The following NDST3 variants were observed in gnomAD, a reference collection of about 807,000 sequenced individuals.
NDST3 encodes N-deacetylase and N-sulfotransferase 3.
Under a neutral mutation model 96.1 loss-of-function variants are expected in NDST3, and 58 were observed. The ratio of observed to expected loss-of-function variants is 0.60; its 90% CI spans 0.49 to 0.75. The LOEUF (loss-of-function observed/expected upper bound fraction) is 0.75, where lower values mean the gene tolerates loss of function less well. NDST3 is among the 30% of genes least tolerant of loss of function. The pLI, the probability that NDST3 is intolerant of heterozygous loss-of-function variation, is 0.00. For synonymous variants in NDST3, 333 were observed against 359.7 expected, an observed-to-expected ratio of 0.93 and a Z score of 0.84; for missense variants, 788 against 1,034.2, an observed-to-expected ratio of 0.76 and a Z score of 3.27.
intron 2 of NDST3, among the ~76,000 whole-genome samples, chr4:118,063,365 A>C (rs1726055363): frequency 6.6e-6 from 1 of 152,130 alleles, no homozygotes; most frequent in Non-Finnish European, 1.5e-5. Flanking sequence ...GATATTAAGA[A>C]AATTATGCAC....
intron 6 of NDST3, among the ~76,000 whole-genome samples, chr4:118,163,408 A>G (rs1735328043): frequency 6.6e-6 from 1 of 152,190 alleles, no homozygotes; most frequent in Non-Finnish European, 1.5e-5. Flanking sequence ...ACACCATGGA[A>G]TACTATGCAG....
At chr4:118,058,513 C>T (rs1042022838) in intron 2 of NDST3, among the ~76,000 whole-genome samples, 2 of 148,180 alleles carry the variant, frequency 1.3e-5, no homozygotes, top group South Asian at 2.1e-4. Flanking sequence ...CTGTAAAGAA[C>T]CAAAGAAGAA....
intron 2 of NDST3, among the ~76,000 whole-genome samples, chr4:118,086,448 A>T (rs1728424419): frequency 6.6e-6 from 1 of 152,072 alleles, no homozygotes; most frequent in African/African-American, 2.4e-5. Flanking sequence ...CTTAAAACTT[A>T]GTCATTCAGA....
At chr4:118,120,198 A>G (rs11940076) in intron 4 of NDST3, among the ~76,000 whole-genome samples, 6,586 of 152,244 alleles carry the variant, frequency 0.043, 489 homozygotes, top group African/African-American at 0.15. Context: ...TTATACAGGT[A>G]TGATGAGTCC....
At chr4:118,107,967 T>G (rs1730336715) in intron 3 of NDST3, among the ~76,000 whole-genome samples, 1 of 152,182 alleles carries the variant, frequency 6.6e-6, no homozygotes, top group Non-Finnish European at 1.5e-5. Flanking sequence ...GACTCACAGT[T>G]CCACATGGCT....
rs1741880811 is a variant in NDST3, at chr4:118,253,356, T to C, written c.2400-143T>C. 1.3e-5 allele frequency: 7 copies of C among 526,862 alleles called. No individual in the cohort carries two copies. In the South Asian group the frequency reaches 2.3e-4, roughly 18 times the overall value. The allele number at this position is 526,862 out of a possible 1,614,324, so 32.6% of individuals were successfully genotyped here. On this transcript the variant is annotated intron_variant, in intron 12 of 13. Coordinates refer to ENST00000296499, the MANE Select transcript of NDST3 (RefSeq NM_004784.3). ...TGCAAAGGAATATAGTAAAAAAGAA[T>C]TCAGTTTCTCTGGTTATAGATTGTT...
intron 2 of NDST3, among the ~76,000 whole-genome samples, chr4:118,091,301 GA>G (rs1269815058): frequency 8.0e-5 from 12 of 150,610 alleles, no homozygotes; most frequent in Admixed American, 5.3e-4. Context: ...ATAAAAGTTG[GA>G]AAAAAAAATT....
intron 6 of NDST3, among the ~76,000 whole-genome samples, chr4:118,161,659 T>A (rs540594166): frequency 1.3e-5 from 2 of 152,230 alleles, no homozygotes; most frequent in Admixed American, 6.5e-5. Context: ...ACTCCATGGG[T>A]GTAGGACCCT....
intron 6 of NDST3, among the ~76,000 whole-genome samples, chr4:118,203,253 G>A (rs1192081913): frequency 6.6e-6 from 1 of 152,130 alleles, no homozygotes; most frequent in Non-Finnish European, 1.5e-5. Context: ...ATATTCATGA[G>A]AGATATTGGT....
chr4:118,051,764 T>C (rs1207176800), intron 1 of NDST3, among the ~76,000 whole-genome samples: 1 of 151,940 alleles, frequency 6.6e-6, no homozygotes, highest in Non-Finnish European at 1.5e-5. Context: ...GACATACAAG[T>C]AGCCAACAAA....
intron 2 of NDST3, among the ~76,000 whole-genome samples, chr4:118,060,147 G>A (rs148203970): frequency 6.6e-6 from 1 of 152,082 alleles, no homozygotes; most frequent in East Asian, 1.9e-4. Context: ...GAATGGAATG[G>A]TATCCCTGAT....
intron 2 of NDST3, among the ~76,000 whole-genome samples, chr4:118,086,894 C>A (rs1249645772): frequency 1.3e-5 from 2 of 152,080 alleles, no homozygotes; most frequent in Non-Finnish European, 2.9e-5. Flanking sequence ...AACACATTAT[C>A]TTTCCATGCT....
intron 6 of NDST3, among the ~76,000 whole-genome samples, chr4:118,163,297 C>T (rs1307081097): frequency 2.6e-5 from 4 of 152,216 alleles, no homozygotes; most frequent in African/African-American, 2.4e-5. Context: ...AAGACACATG[C>T]ACACATATGT....
At chr4:118,185,307 T>C (rs1489714875) in intron 6 of NDST3, among the ~76,000 whole-genome samples, 2 of 152,022 alleles carry the variant, frequency 1.3e-5, no homozygotes, top group African/African-American at 4.8e-5. Flanking sequence ...ATTTAAATTA[T>C]TTATGAACAT....
intron 2 of NDST3, among the ~76,000 whole-genome samples, chr4:118,086,652 T>TA (rs1443959720): frequency 1.3e-5 from 2 of 152,142 alleles, no homozygotes; most frequent in Non-Finnish European, 2.9e-5. Context: ...TAGAGCACTT[T>TA]AGGACCTTAA....
intron 8 of NDST3, among the ~76,000 whole-genome samples, chr4:118,231,361 TA>T (rs1257087547): frequency 2.8e-4 from 42 of 150,190 alleles, no homozygotes; most frequent in African/African-American, 1.0e-3. Context: ...ATAATAATAA[TA>T]ATACTATTTA....
At chr4:118,122,073 G>C (rs1362762692) in intron 4 of NDST3, among the ~76,000 whole-genome samples, 1 of 151,772 alleles carries the variant, frequency 6.6e-6, no homozygotes, top group Non-Finnish European at 1.5e-5. Flanking sequence ...CATTTATCTG[G>C]TAACTTAAAC....
chr4:118,134,250 G>C (rs1171988780), intron 4 of NDST3, among the ~76,000 whole-genome samples: 4 of 152,172 alleles, frequency 2.6e-5, no homozygotes, highest in African/African-American at 9.7e-5. Flanking sequence ...GAAGGATGGA[G>C]GGTGGCACAA....
At chr4:118,238,962 A>G (rs1740852525) in intron 10 of NDST3, among the ~76,000 whole-genome samples, 1 of 152,228 alleles carries the variant, frequency 6.6e-6, no homozygotes, top group Non-Finnish European at 1.5e-5. Flanking sequence ...TGTGTAAAGG[A>G]GTTATCATCA....
Sources: allele counts gnomAD v4.1 joint callset (sites outside exome capture counted in the v4.1 genomes callset), GRCh38; gene constraint gnomAD v4.1.1; transcripts MANE v1.5; gene names NCBI Gene and HGNC (gene_info 2026-07-23, HGNC 2026-07-21).